Variants in CPEB4 observed in about 807,000 individuals in gnomAD.
The protein encoded by CPEB4 is cytoplasmic polyadenylation element-binding protein 4.
A neutral mutation model predicts 72.5 loss-of-function variants in CPEB4; 12 were observed. The ratio of observed to expected loss-of-function variants is 0.17; its 90% CI spans 0.11 to 0.27. The LOEUF (loss-of-function observed/expected upper bound fraction) is 0.27. Among genes scored for constraint, CPEB4 ranks in the 10% least tolerant of loss-of-function variants. The pLI is 1.00. For missense variants in CPEB4, 614 were observed against 908.5 expected (o/e 0.68, Z 4.17); for synonymous variants, 302 against 326.3 (o/e 0.93, Z 0.80).
At chr5:173,918,960 G>C (rs1052705656) in intron 2 of CPEB4, among the ~76,000 whole-genome samples, 1 of 152,116 alleles carries the variant, frequency 6.6e-6, no homozygotes, top group African/African-American at 2.4e-5. Flanking sequence ...TGAGGGTAAC[G>C]GTGGGCGAGT....
rs72812847 is a variant in CPEB4 at position 173,950,814 on chromosome 5, G to A, written c.1665+736G>A. Among the ~76,000 whole-genome samples the A allele has an allele frequency of 0.22, 33,772 of 151,936 alleles. 4,968 individuals are homozygous for A. Among genetic ancestry groups the A allele is most frequent in the Non-Finnish European group, 0.31 (20,753 of 67,952 alleles). ...GGTACTCTCCAAAGTAGACTGAATC[G>A]TGTATATACATGTACAGGTACATTG... On this transcript the variant is annotated intron_variant, in intron 7 of 9. Transcript: ENST00000265085. This position sits in a 1 kb window ranked among gnomAD's most constrained non-coding sequence, Gnocchi z 5.0.
Position 173,961,045 on chromosome 5 carries a change from A to C in CPEB4, c.*4908A>C, listed in dbSNP as rs1254170596. 2.0e-5 allele frequency: 3 copies of C among 152,200 alleles called. No homozygotes were observed. Among genetic ancestry groups the C allele is most frequent in the African/African-American group, 7.2e-5 (3 of 41,454 alleles). The allele number at this position is 152,200 out of a possible 1,614,324, so 9.4% of individuals were successfully genotyped here. A position where few individuals can be genotyped will look rare whatever the true frequency, so the allele number is the denominator to read the frequency against. ...CTTTCTTGAGTATAGTATTCTCAAG[A>C]CTAGAAGAGGTTCTTGTCCTGAGAG... is the stretch of plus-strand genomic sequence containing the variant. On this transcript the variant is annotated 3_prime_UTR_variant, in exon 10 of 10. Coordinates refer to ENST00000265085, the MANE Select transcript of CPEB4 (RefSeq NM_030627.4).
intron 1 of CPEB4, among the ~76,000 whole-genome samples, chr5:173,907,026 T>TGG (rs1756461125): frequency 6.6e-6 from 1 of 152,186 alleles, no homozygotes; most frequent in African/African-American, 2.4e-5. Flanking sequence ...CCCAGCACTT[T>TGG]GGGAGGCCAA....
intron 2 of CPEB4, among the ~76,000 whole-genome samples, chr5:173,926,498 TA>T (rs1332440104): frequency 6.6e-6 from 1 of 152,190 alleles, no homozygotes; most frequent in Non-Finnish European, 1.5e-5. Context: ...TTCTAGGTTG[TA>T]GGATTTGGTA....
chr5:173,922,218 TTTTCTC>T (rs979625603), intron 2 of CPEB4, among the ~76,000 whole-genome samples: 1 of 152,116 alleles, frequency 6.6e-6, no homozygotes, highest in Non-Finnish European at 1.5e-5. Flanking sequence ...TTCAATTTTT[TTTTCTC>T]TTTCTCTTTC....
chr5:173,913,636 T>C (rs1756760790), intron 2 of CPEB4, among the ~76,000 whole-genome samples: 1 of 152,272 alleles, frequency 6.6e-6, no homozygotes, highest in African/African-American at 2.4e-5. Flanking sequence ...CTATATTCTC[T>C]TTTTAAGTTC....
chr5:173,908,940 T>C (rs1464008771), intron 1 of CPEB4, among the ~76,000 whole-genome samples: 1 of 152,208 alleles, frequency 6.6e-6, no homozygotes, highest in East Asian at 1.9e-4. Flanking sequence ...TTATGTACAG[T>C]ATCCTTAAGG....
At chr5:173,903,674 C>G (rs565714750) in intron 1 of CPEB4, among the ~76,000 whole-genome samples, 2 of 152,196 alleles carry the variant, frequency 1.3e-5, no homozygotes, top group Non-Finnish European at 2.9e-5. Context: ...TTATTTTGGT[C>G]TGTGGCATAA....
chr5:173,894,741 A>T (rs1755943598), intron 1 of CPEB4, among the ~76,000 whole-genome samples: 1 of 152,310 alleles, frequency 6.6e-6, no homozygotes, highest in Non-Finnish European at 1.5e-5. Context: ...TTATTCACAG[A>T]CAAGATTTGG....
rs576172846 is a variant in CPEB4 at position 173,917,580 on chromosome 5, G to A, written c.1207+6976G>A. Among the ~76,000 whole-genome samples the A allele has an allele frequency of 8.5e-5, 13 of 152,312 alleles. No homozygotes were observed. The East Asian group carries it at 2.5e-3, about 29-fold the overall frequency. ...GTCTCTACTAAAAATGTAAAAATTAGCAGGGCGCGGTAGCGGGCGCCTGTA... is the reference window on the plus strand; with the variant it reads ...GTCTCTACTAAAAATGTAAAAATTAACAGGGCGCGGTAGCGGGCGCCTGTA... On this transcript the variant is annotated intron_variant, in intron 2 of 9. Coordinates refer to ENST00000265085, the MANE Select transcript of CPEB4 (RefSeq NM_030627.4).
intron 2 of CPEB4, among the ~76,000 whole-genome samples, chr5:173,929,537 A>G (rs1161959212): frequency 6.6e-6 from 1 of 152,018 alleles, no homozygotes; most frequent in Non-Finnish European, 1.5e-5. Context: ...CCATCTCTAC[A>G]TAAAATAAAA....
chr5:173,920,784 CAT>C (rs1757042350), intron 2 of CPEB4, among the ~76,000 whole-genome samples: 1 of 152,146 alleles, frequency 6.6e-6, no homozygotes, highest in Admixed American at 6.5e-5. Flanking sequence ...GAAAGTAGCC[CAT>C]GAATATCATG....
At chr5:173,942,155 T>C (rs1757869394) in intron 3 of CPEB4, among the ~76,000 whole-genome samples, 1 of 152,196 alleles carries the variant, frequency 6.6e-6, no homozygotes, top group Admixed American at 6.5e-5. Flanking sequence ...TGCTACACTG[T>C]TGTTTGCTTA....
rs1758452986 is a variant in CPEB4 at position 173,958,692 on chromosome 5, A to C, written c.*2555A>C. On this transcript the variant is annotated 3_prime_UTR_variant, in exon 10 of 10. Transcript: ENST00000265085. ...ATGACAGATAACACTGTAGTTCCTA[A>C]AAAAAAAATTAAATGCATAAGCATA... The C allele has an allele frequency of 6.6e-6, 1 of 152,084 alleles. No individual in the cohort carries two copies. 9.4% of individuals were successfully genotyped at this position (152,084 alleles called of 1,614,324 possible).
chr5:173,951,082 G>A (rs1283678256), intron 7 of CPEB4, among the ~76,000 whole-genome samples: 1 of 152,074 alleles, frequency 6.6e-6, no homozygotes, highest in Non-Finnish European at 1.5e-5. Context: ...AGTTCCTGTG[G>A]TCTGGACTCT....
intron 3 of CPEB4, among the ~76,000 whole-genome samples, chr5:173,939,341 GTACATACA>G (rs34845457): frequency 3.3e-5 from 5 of 150,356 alleles, no homozygotes; most frequent in East Asian, 2.0e-4. Flanking sequence ...TTTGAAATAC[GTACATACA>G]TACATACATA....
At chr5:173,951,720 C>T in intron 7 of CPEB4, 104 bp from the exon 8 acceptor site, 1 of 689,128 alleles carries the variant, frequency 1.5e-6, no homozygotes, top group Non-Finnish European at 2.7e-6. Context: ...GACTTGTAAT[C>T]ATAGGATTAT....
chr5:173,947,853 G>GA lies in CPEB4; in HGVS notation c.1457-1647dup, dbSNP rs928405786. Among the ~76,000 whole-genome samples the GA allele has an allele frequency of 5.9e-5, 9 of 151,954 alleles. No individual in the cohort carries two copies. In the East Asian group the frequency reaches 1.5e-3, roughly 26 times the overall value. On this transcript the variant is annotated intron_variant, in intron 5 of 9. Transcript: ENST00000265085. ...GCCACTAAAATGATCAGTACATCTT[G>GA]AAAAAAAATGACTGATTCTTGGGCT...
chr5:173,893,764 A>C (rs930514019), intron 1 of CPEB4, among the ~76,000 whole-genome samples: 88 of 152,324 alleles, frequency 5.8e-4, no homozygotes, highest in African/African-American at 2.0e-3. Flanking sequence ...GTTTATTTTA[A>C]TTTGAAATGA....
Sources: allele counts gnomAD v4.1 joint callset (sites outside exome capture counted in the v4.1 genomes callset), GRCh38; gene constraint gnomAD v4.1.1; non-coding constraint Gnocchi (gnomAD v3.1); transcripts MANE v1.5; gene names NCBI Gene and HGNC (gene_info 2026-07-23, HGNC 2026-07-21).